The following STT3B variants were observed in gnomAD, a reference collection of about 807,000 sequenced individuals.
STT3B encodes the protein dolichyl-diphosphooligosaccharide--protein glycosyltransferase subunit STT3B.
A neutral mutation model predicts 96.8 loss-of-function variants in STT3B; 29 were observed. That is an observed-to-expected ratio of 0.30 (90% CI 0.22 to 0.41). The LOEUF (loss-of-function observed/expected upper bound fraction) is 0.41, where lower values mean the gene tolerates loss of function less well. Ranked by LOEUF, STT3B falls within the 10% of genes least tolerant of loss-of-function variation. The probability of loss-of-function intolerance (pLI) is 1.00; values close to 1 mark genes in which losing one functional copy is unlikely to be tolerated. For synonymous variants in STT3B, 367 were observed against 360.0 expected (o/e 1.02, Z -0.22); for missense variants, 640 against 1,022.3 (o/e 0.63, Z 5.10).
rs1457025432 is a variant in STT3B at position 31,585,533 on chromosome 3, G to GT, written c.711+5440dup. The stretch of plus-strand genomic sequence containing the variant: ...CAGATAAAGTAGTACAAGGAGCAGT[G>GT]TTTATCATATTGCCTCTTACAGGTT... On this transcript the variant is annotated intron_variant, in intron 3 of 15. Transcript: ENST00000295770. 2.6e-5 allele frequency among the ~76,000 whole-genome samples: 4 copies of GT among 152,122 alleles called. No individual in the cohort carries two copies. In the South Asian group the frequency reaches 6.2e-4, roughly 24 times the overall value.
intron 3 of STT3B, among the ~76,000 whole-genome samples, chr3:31,590,548 A>G (rs1404931021): frequency 3.3e-5 from 5 of 151,884 alleles, no homozygotes; most frequent in Admixed American, 3.3e-4. Context: ...GGTTTTTTCT[A>G]AGCATGGTGT....
intron 1 of STT3B, among the ~76,000 whole-genome samples, chr3:31,572,804 C>T (rs537282954): frequency 3.3e-5 from 5 of 152,314 alleles, no homozygotes; most frequent in East Asian, 1.9e-4. Flanking sequence ...GAAGCTGCAG[C>T]TGTGATCGCA....
chr3:31,632,085 G>A (rs1012165343), intron 14 of STT3B, among the ~76,000 whole-genome samples: 1 of 152,100 alleles, frequency 6.6e-6, no homozygotes, highest in Admixed American at 6.5e-5. Flanking sequence ...TGAACTCCTG[G>A]GCTCAGGCCA....
intron 1 of STT3B, among the ~76,000 whole-genome samples, chr3:31,548,620 C>T (rs539059397): frequency 1.7e-4 from 26 of 152,310 alleles, no homozygotes; most frequent in African/African-American, 6.3e-4. Context: ...CACCTCTCCT[C>T]AACCTGTCTC....
chr3:31,635,850 A>G (rs1455345008), intron 15 of STT3B, 134 bp from the exon 16 acceptor site: 6 of 600,736 alleles, frequency 1.0e-5, no homozygotes, highest in Non-Finnish European at 1.4e-5. Context: ...TCACTGAACT[A>G]TTCAAGGAAT....
rs755833826 is a variant in STT3B at position 31,579,833 on chromosome 3, G to A, written c.448G>A (p.Ala150Thr). ...GGTTTACCCAGGGTTGATGATAACC[G>A]CTGGCCTTATTCATTGGATTTTAAA... ...GTVYPGLMIT[A>T]GLIHWILNTL... Residue 150 changes from alanine to threonine, a missense_variant, in exon 3 of 16, where the codon GCT (alanine) becomes ACT (threonine). Ala to Thr is a moderately conservative substitution (Grantham distance 58, BLOSUM62 0). Transcript: ENST00000295770. 4 of 1,612,760 alleles carry A rather than the reference G, an allele frequency of 2.5e-6. No homozygotes were observed. The highest frequency in any genetic ancestry group is 2.2e-5 in the East Asian group (1 of 44,834).
Position 31,636,036 on chromosome 3 carries a change from G to T in STT3B, c.2453G>T (p.Gly818Val). The T allele has an allele frequency of 6.2e-7, 1 of 1,609,594 alleles. No homozygotes were observed. Among genetic ancestry groups the T allele is most frequent in the Non-Finnish European group, 8.5e-7 (1 of 1,177,926 alleles). ...YIKNKLVFKK[G>V]KKISKKTV is the part of the protein sequence containing the mutation. ...AAAAATAAGCTGGTTTTTAAGAAAG[G>T]CAAGAAAATATCTAAGAAGACTGTT... Residue 818 changes from glycine to valine, a missense_variant, in exon 16 of 16, where the codon GGC becomes GTC. Transcript: ENST00000295770.
chr3:31,566,480 A>G lies in STT3B; in HGVS notation c.315-9916A>G, dbSNP rs143412394. Among the ~76,000 whole-genome samples the G allele has an allele frequency of 1.2e-3, 188 of 152,270 alleles. 2 individuals carry two copies. The highest frequency in any genetic ancestry group is 6.8e-3 in the Middle Eastern group (2 of 294). Reference sequence around the variant, plus strand: ...CATAGTGTCTGACATGTTTTTTTAAAACAATAATTGTGCAGAAGTAGTGTA... The same window carrying G: ...CATAGTGTCTGACATGTTTTTTTAAGACAATAATTGTGCAGAAGTAGTGTA... On this transcript the variant is annotated intron_variant, in intron 1 of 15. Transcript: ENST00000295770.
At chr3:31,557,332 T>C (rs1330497622) in intron 1 of STT3B, among the ~76,000 whole-genome samples, 1 of 152,202 alleles carries the variant, frequency 6.6e-6, no homozygotes, top group African/African-American at 2.4e-5. Context: ...TTTTTGCTCA[T>C]GGTTGCTTTG....
rs1479971842 is a variant in STT3B at position 31,636,638 on chromosome 3, GAGA to G, written c.*580_*582del. On this transcript the variant is annotated 3_prime_UTR_variant, in exon 16 of 16. Coordinates refer to ENST00000295770, the MANE Select transcript of STT3B (RefSeq NM_178862.3). The stretch of plus-strand genomic sequence containing the variant: ...TTTTCTGTTGCTTACTGTTTGCTCT[GAGA>G]AGAAGCTGCTGTTTCAAAGATGGAC... 3.3e-5 allele frequency: 5 copies of G among 152,186 alleles called. No homozygotes were observed. The highest frequency in any genetic ancestry group is 1.2e-4 in the African/African-American group (5 of 41,440). The allele number at this position is 152,186 out of a possible 1,614,324, so 9.4% of individuals were successfully genotyped here.
intron 1 of STT3B, among the ~76,000 whole-genome samples, chr3:31,564,312 A>T (rs1352504366): frequency 6.6e-6 from 1 of 152,206 alleles, no homozygotes; most frequent in Non-Finnish European, 1.5e-5. Context: ...ATATTTTATT[A>T]ACTTTACTAT....
chr3:31,574,531 C>G (rs560234339), intron 1 of STT3B, among the ~76,000 whole-genome samples: 1 of 152,192 alleles, frequency 6.6e-6, no homozygotes, highest in Admixed American at 6.6e-5. Flanking sequence ...TTTGTAAATA[C>G]AATCACTACT....
intron 1 of STT3B, among the ~76,000 whole-genome samples, chr3:31,568,409 T>C (rs1345481610): frequency 1.3e-5 from 2 of 152,220 alleles, no homozygotes; most frequent in African/African-American, 4.8e-5. Context: ...ATGGTAGTTC[T>C]ATTTGTTTTC....
chr3:31,618,768 A>C (rs1699365775), intron 8 of STT3B, among the ~76,000 whole-genome samples: 1 of 152,120 alleles, frequency 6.6e-6, no homozygotes, highest in Admixed American at 6.5e-5. Context: ...ATACTTCAAG[A>C]GTTCAGCCTG....
chr3:31,617,185 T>TA, intron 7 of STT3B, 110 bp downstream of exon 7: 30 of 796,576 alleles, frequency 3.8e-5, no homozygotes, highest in Non-Finnish European at 4.5e-5. Context: ...GTGATTTTTT[T>TA]CTTTTTTTTT....
At chr3:31,573,385 G>C (rs1183541308) in intron 1 of STT3B, among the ~76,000 whole-genome samples, 1 of 152,146 alleles carries the variant, frequency 6.6e-6, no homozygotes, top group African/African-American at 2.4e-5. Context: ...GATGTAAAGA[G>C]ACCAGTTAGA....
intron 1 of STT3B, among the ~76,000 whole-genome samples, chr3:31,537,068 G>A (rs965069809): frequency 6.6e-6 from 1 of 152,212 alleles, no homozygotes; most frequent in African/African-American, 2.4e-5. Context: ...TGAGCCTTAG[G>A]TTTTGGCTGT....
intron 1 of STT3B, among the ~76,000 whole-genome samples, chr3:31,535,436 T>C (rs1575400792): frequency 2.0e-5 from 3 of 152,048 alleles, no homozygotes; most frequent in South Asian, 2.1e-4. Flanking sequence ...CATGAAAATA[T>C]GTTTTGGTCG....
intron 1 of STT3B, among the ~76,000 whole-genome samples, chr3:31,553,535 T>C (rs1159159984): frequency 6.6e-6 from 1 of 152,184 alleles, no homozygotes; most frequent in Admixed American, 6.5e-5. Flanking sequence ...GATTATTCCA[T>C]TTATCTGAAA....
Sources: allele counts gnomAD v4.1 joint callset (sites outside exome capture counted in the v4.1 genomes callset), GRCh38; gene constraint gnomAD v4.1.1; transcripts MANE v1.5; gene names NCBI Gene and HGNC (gene_info 2026-07-23, HGNC 2026-07-21).